The following ORC4 variants were observed in gnomAD, a reference collection of about 807,000 sequenced individuals.
ORC4 encodes the protein origin recognition complex, subunit 4 homolog.
A neutral mutation model predicts 63.9 loss-of-function variants in ORC4; 55 were observed. The ratio of observed to expected loss-of-function variants is 0.86; its 90% confidence interval spans 0.69 to 1.08. The LOEUF (loss-of-function observed/expected upper bound fraction) is 1.08, where lower values mean the gene tolerates loss of function less well. ORC4 is among the 50% of genes least tolerant of loss of function. ORC4 has a pLI of 0.00. For synonymous variants in ORC4, 150 were observed against 168.5 expected (o/e 0.89, Z 0.85); for missense variants, 511 against 504.4 (o/e 1.01, Z -0.13).
At chr2:147,956,711 C>T (rs541634475) in intron 6 of ORC4, among the ~76,000 whole-genome samples, 17 of 152,026 alleles carry the variant, frequency 1.1e-4, no homozygotes, top group African/African-American at 1.9e-4. Context: ...TATGCTTACT[C>T]GGAACACAGC....
intron 1 of ORC4, among the ~76,000 whole-genome samples, chr2:147,979,504 C>T (rs1484447981): frequency 6.6e-6 from 1 of 151,964 alleles, no homozygotes; most frequent in African/African-American, 2.4e-5. Flanking sequence ...ATTAAAATGT[C>T]CCTACTACTG....
chr2:147,984,531 A>G (rs1011093694), intron 1 of ORC4, among the ~76,000 whole-genome samples: 5 of 152,070 alleles, frequency 3.3e-5, no homozygotes. Flanking sequence ...TTTGGTAGGG[A>G]GGGGGTGTTT....
In ORC4 at chr2:147,947,711, TTTA is replaced by T. The variant is rs992195040; in HGVS notation, c.762+337_762+339del. ...AACATTTATTTATCATTATTTACTA[TTTA>T]TTATTATTGCTAAATATGTAAAATA... On this transcript the variant is annotated intron_variant, in intron 9 of 13. Transcript: ENST00000392857. 4.8e-4 allele frequency: 73 copies of T among 153,638 alleles called. 1 individual carries two copies. The highest frequency in any genetic ancestry group is 3.3e-3 in the Middle Eastern group (1 of 302). 9.5% of individuals were successfully genotyped at this position (153,638 alleles called of 1,614,324 possible). A position where few individuals can be genotyped will look rare whatever the true frequency, so the allele number is the denominator to read the frequency against.
chr2:147,945,672 G>A (rs1035317654), intron 9 of ORC4, among the ~76,000 whole-genome samples: 2 of 152,056 alleles, frequency 1.3e-5, no homozygotes, highest in Non-Finnish European at 2.9e-5. Context: ...TTCAAATTAG[G>A]CAGGATATCA....
At chr2:147,972,595 A>G in intron 4 of ORC4, 144 bp downstream of exon 4, 1 of 465,696 alleles carries the variant, frequency 2.1e-6, no homozygotes, top group Non-Finnish European at 3.7e-6. Flanking sequence ...TAAAAAAGAA[A>G]AAAACAAAAA....
chr2:147,938,154 C>T lies in ORC4; in HGVS notation c.1114G>A (p.Val372Ile). 1 of 1,607,756 alleles carries T rather than the reference C, an allele frequency of 6.2e-7. No individual in the cohort carries two copies. Among genetic ancestry groups the T allele is most frequent in the Non-Finnish European group, 8.5e-7 (1 of 1,174,750 alleles). Residue 372 changes from valine to isoleucine, a missense_variant, in exon 13 of 14, where the codon GTC (valine) becomes ATC (isoleucine). Physicochemically the swap from Val to Ile is conservative, Grantham distance 29. Transcript: ENST00000392857. ...AGCAAACTAAATCTTACCTTCATGA[C>T]AACAGGTTTTTCAAAATTATAAACG... ...HSVYNFEKPV[V>I]MKAFEHLQQL...
intron 1 of ORC4, among the ~76,000 whole-genome samples, chr2:147,999,353 T>G (rs957189635): frequency 6.6e-6 from 1 of 152,182 alleles, no homozygotes; most frequent in Non-Finnish European, 1.5e-5. Context: ...ATATTGAACG[T>G]TGAGGCCCCC....
At chr2:147,991,457 T>C (rs752397410) in intron 1 of ORC4, among the ~76,000 whole-genome samples, 2 of 152,170 alleles carry the variant, frequency 1.3e-5, no homozygotes, top group Non-Finnish European at 2.9e-5. Flanking sequence ...AGGTAAATAG[T>C]TATGAAATAA....
At chr2:147,943,830 G>C (rs1176217213) in intron 9 of ORC4, among the ~76,000 whole-genome samples, 1 of 152,072 alleles carries the variant, frequency 6.6e-6, no homozygotes, top group African/African-American at 2.4e-5. Context: ...TGAACAAAAT[G>C]CAGCACAAAA....
At chr2:147,942,355 T>C (rs566427046) in intron 10 of ORC4, among the ~76,000 whole-genome samples, 2 of 152,284 alleles carry the variant, frequency 1.3e-5, no homozygotes, top group East Asian at 3.9e-4. Context: ...AAGTACTTCT[T>C]GTTTGATATT....
rs146168217 is a variant in ORC4 at position 147,971,409 on chromosome 2, C to T, written c.225+1330G>A. On this transcript the variant is annotated intron_variant, in intron 4 of 13. Transcript: ENST00000392857. The stretch of plus-strand genomic sequence containing the variant: ...CTGAAAATCAGAAATATAAAGGACT[C>T]CTAAAACCTATCAATAAGAAAACAA... Among the ~76,000 whole-genome samples the T allele has an allele frequency of 7.0e-3, 1,060 of 151,322 alleles. 10 individuals carry two copies. The highest frequency in any genetic ancestry group is 0.024 in the African/African-American group (995 of 41,328).
intron 1 of ORC4, among the ~76,000 whole-genome samples, chr2:148,000,301 A>G (rs1598207): frequency 0.33 from 49,529 of 151,964 alleles, 8,318 homozygotes; most frequent in East Asian, 0.51. Context: ...AGATACAACA[A>G]AGAGAAACAT....
intron 1 of ORC4, among the ~76,000 whole-genome samples, chr2:147,979,536 C>G (rs1206512385): frequency 6.6e-6 from 1 of 151,874 alleles, no homozygotes; most frequent in Non-Finnish European, 1.5e-5. Flanking sequence ...TCAAAGTAAT[C>G]CATATCAAAA....
At chr2:147,962,013 A>C (rs1689624635) in intron 4 of ORC4, among the ~76,000 whole-genome samples, 1 of 152,194 alleles carries the variant, frequency 6.6e-6, no homozygotes, top group Admixed American at 6.5e-5. Flanking sequence ...ATGAACAGCT[A>C]AGATTTGACT....
At chr2:147,986,113 T>C (rs1241053207) in intron 1 of ORC4, among the ~76,000 whole-genome samples, 1 of 152,224 alleles carries the variant, frequency 6.6e-6, no homozygotes, top group Non-Finnish European at 1.5e-5. Context: ...TCTTTATTTT[T>C]AAGATCATAA....
rs1374459807 is a variant in ORC4, at chr2:147,931,473, A to G, written c.*4037T>C. On this transcript the variant is annotated 3_prime_UTR_variant, in exon 14 of 14. Coordinates refer to ENST00000392857, the MANE Select transcript of ORC4 (RefSeq NM_181741.4). Reference sequence around the variant, plus strand: ...GTTGAACTAGTTTACAGTCCCACCAACAGTGTGAAAGTGTTCCTATTTCTC... The same window carrying G: ...GTTGAACTAGTTTACAGTCCCACCAGCAGTGTGAAAGTGTTCCTATTTCTC... 1 of 152,104 alleles carries G rather than the reference A, an allele frequency of 6.6e-6. No individual in the cohort carries two copies. The highest frequency in any genetic ancestry group is 1.9e-4 in the East Asian group (1 of 5,186). The allele number at this position is 152,104 out of a possible 1,614,324, so 9.4% of individuals were successfully genotyped here.
At chr2:148,002,644 C>T (rs1692385467) in intron 1 of ORC4, among the ~76,000 whole-genome samples, 2 of 151,986 alleles carry the variant, frequency 1.3e-5, no homozygotes. Context: ...GCACTAAATG[C>T]CCACAGAAGA....
intron 1 of ORC4, among the ~76,000 whole-genome samples, chr2:148,000,072 A>G (rs1692206127): frequency 6.6e-6 from 1 of 151,532 alleles, no homozygotes; most frequent in African/African-American, 2.4e-5. Flanking sequence ...AAAAAAAAAC[A>G]TAAAAAATGA....
intron 13 of ORC4, chr2:147,936,422 A>G (rs565716181): frequency 2.0e-4 from 30 of 150,800 alleles, no homozygotes; most frequent in South Asian, 1.3e-3. Flanking sequence ...TAGGTTATGA[A>G]AAAAAAAACC....
Sources: allele counts gnomAD v4.1 joint callset (sites outside exome capture counted in the v4.1 genomes callset), GRCh38; gene constraint gnomAD v4.1.1; transcripts MANE v1.5; gene names NCBI Gene and HGNC (gene_info 2026-07-23, HGNC 2026-07-21).